MCTP1: variants seen among roughly 807,000 people sequenced by gnomAD.
MCTP1 encodes the protein multiple C2 and transmembrane domain containing 1.
In MCTP1, 69 loss-of-function variants were observed where a neutral mutation model predicts 120.6. The observed-to-expected ratio is 0.57, with a 90% confidence interval of 0.47 to 0.70. MCTP1 has a LOEUF of 0.70. MCTP1 is among the 30% of genes least tolerant of loss of function. The pLI, the probability that MCTP1 is intolerant of heterozygous loss-of-function variation, is 0.00. For missense variants in MCTP1, 1,203 were observed against 1,248.8 expected, an observed-to-expected ratio of 0.96 and a Z score of 0.55; for synonymous variants, 529 against 493.1, an observed-to-expected ratio of 1.07 and a Z score of -0.96.
intron 8 of MCTP1, among the ~76,000 whole-genome samples, chr5:94,915,472 T>C (rs1220624332): frequency 6.6e-6 from 1 of 152,222 alleles, no homozygotes; most frequent in Non-Finnish European, 1.5e-5. Flanking sequence ...CATGTGTTTA[T>C]AATATTTCAG....
chr5:94,920,851 C>T (rs1811486558), intron 7 of MCTP1, among the ~76,000 whole-genome samples: 1 of 151,980 alleles, frequency 6.6e-6, no homozygotes, highest in Admixed American at 6.5e-5. Flanking sequence ...TTTGCTTGAC[C>T]TGACCGGAAG....
chr5:94,796,637 ATG>A (rs1780115382), intron 18 of MCTP1, among the ~76,000 whole-genome samples: 2 of 67,172 alleles, frequency 3.0e-5, no homozygotes, highest in Non-Finnish European at 7.5e-5. Context: ...TATATTATAT[ATG>A]TAATATATAT....
chr5:94,798,337 G>T (rs1056797124), intron 18 of MCTP1, among the ~76,000 whole-genome samples: 2 of 152,098 alleles, frequency 1.3e-5, no homozygotes, highest in Non-Finnish European at 2.9e-5. Context: ...TGATTATAGT[G>T]TGGGCAGCTC....
At chr5:94,946,572 A>G (rs963047600) in intron 3 of MCTP1, among the ~76,000 whole-genome samples, 1 of 152,166 alleles carries the variant, frequency 6.6e-6, no homozygotes. Flanking sequence ...TCCAGGTGCC[A>G]TGATACTTGC....
intron 1 of MCTP1, among the ~76,000 whole-genome samples, chr5:95,095,841 C>G (rs189655678): frequency 5.5e-4 from 83 of 152,230 alleles, no homozygotes; most frequent in Non-Finnish European, 9.1e-4. Context: ...AAGAAACGAA[C>G]TGATACATAG....
At chr5:94,997,140 C>CA (rs939434935) in intron 2 of MCTP1, among the ~76,000 whole-genome samples, 3 of 152,058 alleles carry the variant, frequency 2.0e-5, no homozygotes, top group Admixed American at 6.6e-5. Context: ...TTCCTGCCCC[C>CA]ACACTTGCAT....
intron 19 of MCTP1, chr5:94,739,395 G>A (rs563131718): frequency 2.0e-5 from 3 of 152,206 alleles, no homozygotes; most frequent in African/African-American, 2.4e-5. Context: ...TAAAACCACC[G>A]CAACAACTTG....
At chr5:95,149,744 G>T (rs1156919159) in intron 1 of MCTP1, among the ~76,000 whole-genome samples, 1 of 152,194 alleles carries the variant, frequency 6.6e-6, no homozygotes, top group Non-Finnish European at 1.5e-5. Flanking sequence ...GGACTGTTGG[G>T]CTCCCTGCGG....
At chr5:94,908,539 A>T (rs1349368921) in intron 10 of MCTP1, among the ~76,000 whole-genome samples, 1 of 152,038 alleles carries the variant, frequency 6.6e-6, no homozygotes, top group Non-Finnish European at 1.5e-5. Context: ...TAATTTAAAA[A>T]ATTAACAAAT....
intron 1 of MCTP1, among the ~76,000 whole-genome samples, chr5:95,099,405 T>A (rs1472308285): frequency 6.6e-6 from 1 of 151,156 alleles, no homozygotes; most frequent in Admixed American, 6.6e-5. Flanking sequence ...GAATCTGCAA[T>A]GAACTCAAAC....
intron 1 of MCTP1, among the ~76,000 whole-genome samples, chr5:95,273,747 C>A (rs1320418889): frequency 6.6e-6 from 1 of 152,040 alleles, no homozygotes; most frequent in Non-Finnish European, 1.5e-5. Context: ...AGCCATTCTG[C>A]AGAAATGCAA....
chr5:94,963,060 C>A (rs1308981254), intron 2 of MCTP1, among the ~76,000 whole-genome samples: 3 of 152,078 alleles, frequency 2.0e-5, no homozygotes, highest in Non-Finnish European at 4.4e-5. Flanking sequence ...GGGTGCTAAT[C>A]CCATTCATGA....
At chr5:94,800,282 T>C (rs10061633) in intron 17 of MCTP1, among the ~76,000 whole-genome samples, 2,174 of 152,302 alleles carry the variant, frequency 0.014, 41 homozygotes, top group African/African-American at 0.05. Context: ...ATACAGATTA[T>C]AATACTGGAA....
chr5:94,950,963 ATG>A (rs1561910585), intron 3 of MCTP1, among the ~76,000 whole-genome samples: 3 of 146,446 alleles, frequency 2.0e-5, no homozygotes, highest in Non-Finnish European at 4.5e-5. Context: ...AAAAAAAAAA[ATG>A]ATTTTGTGTA....
At chr5:94,960,401 A>G (rs994312010) in intron 2 of MCTP1, among the ~76,000 whole-genome samples, 8 of 152,194 alleles carry the variant, frequency 5.3e-5, no homozygotes, top group African/African-American at 1.9e-4. Flanking sequence ...AATGTCAACA[A>G]AAGCCAAAAT....
chr5:94,730,365 C>T (rs1303338132), intron 19 of MCTP1, among the ~76,000 whole-genome samples: 1 of 152,144 alleles, frequency 6.6e-6, no homozygotes, highest in Non-Finnish European at 1.5e-5. Context: ...TGCCATGTTG[C>T]CCAGGCTGGT....
At chr5:95,277,284 G>A (rs1013939827) in intron 1 of MCTP1, among the ~76,000 whole-genome samples, 1 of 152,150 alleles carries the variant, frequency 6.6e-6, no homozygotes, top group Non-Finnish European at 1.5e-5. Context: ...CAGCCACTTA[G>A]TAGGTACCAC....
intron 17 of MCTP1, among the ~76,000 whole-genome samples, chr5:94,837,214 C>T (rs983726612): frequency 6.6e-6 from 1 of 151,944 alleles, no homozygotes; most frequent in Non-Finnish European, 1.5e-5. Flanking sequence ...CTCATCTCTA[C>T]TAAAAATAAA....
intron 1 of MCTP1, among the ~76,000 whole-genome samples, chr5:95,261,570 A>T (rs1445096044): frequency 6.6e-6 from 1 of 152,080 alleles, no homozygotes; most frequent in African/African-American, 2.4e-5. Flanking sequence ...TCCTTCCATA[A>T]ATGTTATTTT....
Sources: gnomAD v4.1 joint callset for allele counts (sites outside exome capture counted in the v4.1 genomes callset) on GRCh38, gnomAD v4.1.1 for gene constraint, MANE v1.5 for transcripts, NCBI Gene and HGNC (gene_info 2026-07-23, HGNC 2026-07-21) for gene names.